DLG1: variants seen among roughly 807,000 people sequenced by gnomAD.
DLG1 encodes the protein discs large MAGUK scaffold protein 1.
DLG1 carries 42 observed loss-of-function variants against 123.4 expected under a neutral mutation model. That is an observed-to-expected ratio of 0.34 (90% CI 0.27 to 0.44). The LOEUF (loss-of-function observed/expected upper bound fraction) is 0.44, where lower values mean the gene tolerates loss of function less well. DLG1 is among the 20% of genes least tolerant of loss of function. The probability of loss-of-function intolerance (pLI) is 1.00; values close to 1 mark genes in which losing one functional copy is unlikely to be tolerated. For synonymous variants in DLG1, 317 were observed against 356.2 expected (o/e 0.89, Z 1.24); for missense variants, 942 against 1,082.6 (o/e 0.87, Z 1.82).
chr3:197,105,496 T>C (rs1180877527), intron 13 of DLG1, among the ~76,000 whole-genome samples: 1 of 152,252 alleles, frequency 6.6e-6, no homozygotes, highest in Non-Finnish European at 1.5e-5. Flanking sequence ...AGGAAAGCTA[T>C]TATTTAGAAA....
chr3:197,120,273 G>GAAA (rs3050713), intron 11 of DLG1, among the ~76,000 whole-genome samples: 1 of 127,600 alleles, frequency 7.8e-6, no homozygotes, highest in Non-Finnish European at 1.7e-5. Flanking sequence ...TCTCGAGAAA[G>GAAA]AAAAAAAAAA....
chr3:197,153,785 T>TAG (rs1561081787), intron 5 of DLG1, among the ~76,000 whole-genome samples: 1 of 152,068 alleles, frequency 6.6e-6, no homozygotes, highest in East Asian at 1.9e-4. Flanking sequence ...GGGGAAGGCA[T>TAG]AGGCTCAGAA....
At chr3:197,110,798 AT>A (rs148349070) in intron 13 of DLG1, among the ~76,000 whole-genome samples, 1,981 of 152,226 alleles carry the variant, frequency 0.013, 21 homozygotes, top group Non-Finnish European at 0.024. Context: ...AAACTTACAA[AT>A]CTTCCACTCT....
At chr3:197,228,705 T>C (rs1741251157) in intron 4 of DLG1, among the ~76,000 whole-genome samples, 1 of 152,216 alleles carries the variant, frequency 6.6e-6, no homozygotes. Flanking sequence ...CTAAAGTGTC[T>C]TAGGCTGTTC....
At position 197,187,747 on chromosome 3, in the gene DLG1, A is replaced by G. The variant is rs144703494; in HGVS notation, c.483+6678T>C. Among the ~76,000 whole-genome samples the G allele has an allele frequency of 1.6e-3, 237 of 152,216 alleles. 1 individual carries two copies. Among genetic ancestry groups the G allele is most frequent in the South Asian group, 3.3e-3 (16 of 4,822 alleles). On this transcript the variant is annotated intron_variant, in intron 5 of 24. Transcript: ENST00000667157. ...ATTTGTTCGATTTACTGTTCTAACAATTTTTCCTAATTCTCAGCTCATTTT... is the reference window on the plus strand; with the variant it reads ...ATTTGTTCGATTTACTGTTCTAACAGTTTTTCCTAATTCTCAGCTCATTTT...
At chr3:197,049,648 A>C (rs1725888584) in intron 24 of DLG1, among the ~76,000 whole-genome samples, 2 of 149,740 alleles carry the variant, frequency 1.3e-5, no homozygotes. Flanking sequence ...GCTACTCAGG[A>C]GGCTGAGGCA....
intron 5 of DLG1, among the ~76,000 whole-genome samples, chr3:197,155,481 A>C (rs1019974749): frequency 6.6e-6 from 1 of 152,222 alleles, no homozygotes; most frequent in Non-Finnish European, 1.5e-5. Flanking sequence ...ACAGCAACTC[A>C]AAGTCATATG....
chr3:197,089,471 G>A (rs1040822166), intron 15 of DLG1, among the ~76,000 whole-genome samples: 3 of 151,368 alleles, frequency 2.0e-5, no homozygotes, highest in African/African-American at 7.3e-5. Flanking sequence ...AGGCTACAGT[G>A]AGCTGAGATC....
chr3:197,237,928 T>C (rs1032725243), intron 4 of DLG1, among the ~76,000 whole-genome samples: 2 of 152,200 alleles, frequency 1.3e-5, no homozygotes, highest in African/African-American at 2.4e-5. Context: ...TAGTACTGTC[T>C]TGATTCCAAA....
intron 3 of DLG1, among the ~76,000 whole-genome samples, chr3:197,290,298 C>T (rs1272965539): frequency 6.6e-6 from 1 of 152,122 alleles, no homozygotes; most frequent in East Asian, 1.9e-4. Context: ...TTTCAACAAC[C>T]ATATTATAAA....
At position 197,296,303 on chromosome 3, in the gene DLG1, T is replaced by C. The variant is rs776370061; in HGVS notation, c.151+43A>G. The C allele has an allele frequency of 3.8e-6, 6 of 1,577,124 alleles. No homozygotes were observed. In the South Asian group the frequency reaches 5.7e-5, roughly 15 times the overall value. Reference sequence around the variant, plus strand: ...TAAAATAAATGAATTGAGAGGAGCATAAAGCCTAGCTGGCATAATAGTTAC... The same window carrying C: ...TAAAATAAATGAATTGAGAGGAGCACAAAGCCTAGCTGGCATAATAGTTAC... On this transcript the variant is annotated intron_variant, in intron 3 of 24. Coordinates refer to ENST00000667157, the MANE Select transcript of DLG1 (RefSeq NM_001366207.1).
chr3:197,239,953 A>C (rs553677113), intron 4 of DLG1, among the ~76,000 whole-genome samples: 24 of 152,116 alleles, frequency 1.6e-4, no homozygotes, highest in African/African-American at 5.8e-4. Context: ...ATTTTCCCAC[A>C]ACTCACTGTT....
chr3:197,109,212 A>G (rs750650253), intron 13 of DLG1, among the ~76,000 whole-genome samples: 2 of 152,152 alleles, frequency 1.3e-5, no homozygotes, highest in African/African-American at 2.4e-5. Context: ...AAAAAAATAA[A>G]GAAAACAATT....
chr3:197,044,760 CCATT>C (rs757170744), intron 24 of DLG1, 31 bp from the exon 25 acceptor site: 277 of 1,347,288 alleles, frequency 2.1e-4, no homozygotes, highest in Non-Finnish European at 2.7e-4. Flanking sequence ...TCAGAAATCT[CCATT>C]AATTGTCTAT....
intron 6 of DLG1, among the ~76,000 whole-genome samples, chr3:197,149,277 T>C (rs1577100420): frequency 6.6e-6 from 1 of 152,204 alleles, no homozygotes; most frequent in African/African-American, 2.4e-5. Context: ...TTATCTATTC[T>C]GGAACTTTCA....
In DLG1 at chr3:197,085,660, A is replaced by G. The variant is rs1240383424; in HGVS notation, c.1758T>C (p.Ser586=). The G allele has an allele frequency of 6.2e-7, 1 of 1,614,014 alleles. No individual in the cohort carries two copies. Among genetic ancestry groups the G allele is most frequent in the Non-Finnish European group, 8.5e-7 (1 of 1,179,994 alleles). ...FGDILHVINA[S]DDEWWQARQV... is the part of the protein sequence containing the mutation. ...GCCTGGCTTGCCACCATTCATCATC[A>G]GAAGCATTAATAACATGGAGGATAT... Residue 586 remains serine (S), a synonymous_variant, in exon 16 of 25, where the codon TCT becomes TCC. Coordinates refer to ENST00000667157, the MANE Select transcript of DLG1 (RefSeq NM_001366207.1).
intron 22 of DLG1, among the ~76,000 whole-genome samples, chr3:197,065,058 A>C (rs1023716607): frequency 1.3e-5 from 2 of 151,278 alleles, no homozygotes; most frequent in African/African-American, 4.9e-5. Context: ...CTTCTCTTAC[A>C]TTCATGTTAT....
chr3:197,295,717 T>C (rs959331653), intron 3 of DLG1, among the ~76,000 whole-genome samples: 11 of 152,204 alleles, frequency 7.2e-5, no homozygotes, highest in South Asian at 4.1e-4. Context: ...TATGGTGGCA[T>C]AGAAAAGATT....
intron 4 of DLG1, among the ~76,000 whole-genome samples, chr3:197,201,025 GA>G (rs759633199): frequency 1.3e-5 from 2 of 152,192 alleles, no homozygotes; most frequent in Non-Finnish European, 2.9e-5. Context: ...ATCCAAATTA[GA>G]AAAGAGGAAG....
Sources: allele counts gnomAD v4.1 joint callset (sites outside exome capture counted in the v4.1 genomes callset), GRCh38; gene constraint gnomAD v4.1.1; transcripts MANE v1.5; gene names NCBI Gene and HGNC (gene_info 2026-07-23, HGNC 2026-07-21).